PARP15: variants seen among roughly 807,000 people sequenced by gnomAD.
The protein encoded by PARP15 is protein mono-ADP-ribosyltransferase PARP15.
A neutral mutation model predicts 62.1 loss-of-function variants in PARP15; 50 were observed. The ratio of observed to expected loss-of-function variants is 0.81; its 90% CI spans 0.64 to 1.02. PARP15 has a LOEUF of 1.02. PARP15 is among the 50% of genes least tolerant of loss of function. The pLI is 0.00. For missense variants in PARP15, 820 were observed against 826.5 expected (o/e 0.99, Z 0.10); for synonymous variants, 309 against 293.1 (o/e 1.05, Z -0.55).
chr3:122,609,053 C>T (rs1935379153), intron 2 of PARP15, among the ~76,000 whole-genome samples: 1 of 152,066 alleles, frequency 6.6e-6, no homozygotes, highest in African/African-American at 2.4e-5. Flanking sequence ...TACACCCAGC[C>T]TATTTTTTTA....
chr3:122,583,044 T>C (rs556265621), intron 1 of PARP15, among the ~76,000 whole-genome samples: 1 of 152,040 alleles, frequency 6.6e-6, no homozygotes, highest in East Asian at 1.9e-4. Context: ...TCCTCTACCT[T>C]CTTGGAAGTA....
intron 8 of PARP15, 72 bp downstream of exon 8, chr3:122,621,683 C>A (rs1936359837): frequency 7.3e-7 from 1 of 1,372,538 alleles, no homozygotes; most frequent in Non-Finnish European, 9.8e-7. Flanking sequence ...CACTCTTAAG[C>A]AGATCAGTGC....
intron 10 of PARP15, among the ~76,000 whole-genome samples, chr3:122,634,306 C>T (rs562140083): frequency 2.6e-5 from 4 of 152,172 alleles, no homozygotes; most frequent in African/African-American, 9.6e-5. Flanking sequence ...TTGTCTTGCC[C>T]ACCACCCCCA....
At chr3:122,609,433 C>T (rs977658942) in intron 2 of PARP15, among the ~76,000 whole-genome samples, 1 of 152,208 alleles carries the variant, frequency 6.6e-6, no homozygotes. Flanking sequence ...AGGCTGGGCT[C>T]ATGCCAGTAA....
intron 8 of PARP15, among the ~76,000 whole-genome samples, chr3:122,622,569 C>T (rs1234871352): frequency 1.3e-5 from 2 of 152,200 alleles, no homozygotes; most frequent in Non-Finnish European, 2.9e-5. Context: ...CCAGCCGGCT[C>T]CTCATTTGTG....
intron 6 of PARP15, among the ~76,000 whole-genome samples, 192 bp downstream of exon 6, chr3:122,617,356 C>A (rs1326634530): frequency 6.6e-6 from 1 of 152,284 alleles, no homozygotes; most frequent in East Asian, 1.9e-4. Flanking sequence ...CACTTAACCT[C>A]TCTGAGTGTC....
At chr3:122,595,000 C>A in intron 1 of PARP15, 1 of 447,706 alleles carries the variant, frequency 2.2e-6, no homozygotes, top group Non-Finnish European at 3.0e-6. Flanking sequence ...ATTTCTCTTC[C>A]TTCTTGATGT....
At chr3:122,616,647 A>T (rs1935991814) in intron 5 of PARP15, among the ~76,000 whole-genome samples, 1 of 151,822 alleles carries the variant, frequency 6.6e-6, no homozygotes, top group Admixed American at 6.6e-5. Flanking sequence ...GTAATAAAAG[A>T]CCCTCCTAGC....
intron 9 of PARP15, among the ~76,000 whole-genome samples, 197 bp from the exon 10 acceptor site, chr3:122,631,889 T>G (rs1937077574): frequency 6.6e-6 from 1 of 152,244 alleles, no homozygotes; most frequent in Non-Finnish European, 1.5e-5. Flanking sequence ...GAATATATTG[T>G]GTCATATTTG....
intron 1 of PARP15, among the ~76,000 whole-genome samples, chr3:122,593,812 G>T (rs577142724): frequency 6.6e-6 from 1 of 151,726 alleles, no homozygotes; most frequent in Admixed American, 6.6e-5. Context: ...AAATTTTGTC[G>T]CTTGTTTTGA....
Position 122,610,702 on chromosome 3 carries a change from G to A in PARP15, c.515G>A (p.Trp172Ter), listed in dbSNP as rs1576515445. The A allele has an allele frequency of 6.5e-7, 1 of 1,534,628 alleles. No individual in the cohort carries two copies. Among genetic ancestry groups the A allele is most frequent in the East Asian group, 2.5e-5 (1 of 40,802 alleles). The change falls in exon 3 of 12, where the codon TGG becomes TAG. Residue 172 changes from tryptophan to a stop codon, truncating the protein, a stop_gained. Coordinates refer to ENST00000464300, the MANE Select transcript of PARP15 (RefSeq NM_001113523.3). LOFTEE classifies it high-confidence loss of function. ...GTGCTCCATGCTGTGGCTCCATACT[G>A]GAATAATGGAGCAGAGACTTCTTGG... ...KAVLHAVAPY[W>*]NNGAETSWQI... is the part of the protein sequence containing the mutation.
rs190468377 is a variant in PARP15, at chr3:122,581,949, G to A, written c.186+4096G>A. 4.7e-3 allele frequency among the ~76,000 whole-genome samples: 715 copies of A among 152,214 alleles called. 4 individuals carry two copies. Among genetic ancestry groups the A allele is most frequent in the Admixed American group, 8.1e-3 (124 of 15,290 alleles). ...GAAGTGAAAGATCACCAGCTTAGTT[G>A]TTCTTTCTTAAGATAGTTTTGGTTA... On this transcript the variant is annotated intron_variant, in intron 1 of 11. Coordinates refer to ENST00000464300, the MANE Select transcript of PARP15 (RefSeq NM_001113523.3).
In PARP15 at chr3:122,617,068, G is replaced by T. The variant is rs547734651; in HGVS notation, c.904G>T (p.Gly302Cys). The T allele has an allele frequency of 3.1e-6, 5 of 1,614,090 alleles. No homozygotes were observed. Among genetic ancestry groups the T allele is most frequent in the African/African-American group, 1.3e-5 (1 of 75,008 alleles). Residue 302 changes from glycine to cysteine, a missense_variant, in exon 6 of 12, where the codon GGT (glycine) becomes TGT (cysteine). This residue lies in a region of PARP15 where 731 missense variants were observed against 727.7 expected (regional missense o/e 1.00). Coordinates refer to ENST00000464300, the MANE Select transcript of PARP15 (RefSeq NM_001113523.3). The stretch of plus-strand genomic sequence containing the variant: ...TTTCACAGCATATGAAATGAAAATC[G>T]GTGCAATTACTTTTCAGGTTGCTAC... Reference protein sequence around the residue: ...PCFTAYEMKIGAITFQVATGD... With the variant: ...PCFTAYEMKICAITFQVATGD...
In PARP15 at chr3:122,610,497, G is replaced by T. The variant is rs369110210; in HGVS notation, c.310G>T (p.Asp104Tyr). The T allele has an allele frequency of 1.1e-5, 17 of 1,550,314 alleles. No individual in the cohort carries two copies. The African/African-American group carries it at 2.2e-4, about 20-fold the overall frequency. The change falls in exon 3 of 12, where the codon GAT (aspartate) becomes TAT (tyrosine). Residue 104 changes from aspartate (D) to tyrosine (Y), a missense_variant. Transcript: ENST00000464300. ...AACTGTTGCTATTTTCGTTAAGGCC[G>T]ATGTCATTGTCAACAGCGTTCCCAT... The part of the protein sequence containing the change: ...ISGDVLYIWA[D>Y]VIVNSVPMNL...
In PARP15 at chr3:122,632,186, C is replaced by G. The variant is rs777447872; in HGVS notation, c.1539C>G (p.Phe513Leu). The change falls in exon 10 of 12, where the codon TTC becomes TTG. Residue 513 changes from phenylalanine (F) to leucine (L), a missense_variant. Coordinates refer to ENST00000464300, the MANE Select transcript of PARP15 (RefSeq NM_001113523.3). The part of the protein sequence containing the change: ...QSEYNTIKDK[F>L]TRTCSSYAIE... ...AATATAATACCATAAAGGACAAGTTCACCCGAACTTGTTCTTCCTACGCAA... is the reference window on the plus strand; with the variant it reads ...AATATAATACCATAAAGGACAAGTTGACCCGAACTTGTTCTTCCTACGCAA... 6 of 1,613,838 alleles carry G rather than the reference C, an allele frequency of 3.7e-6. No individual in the cohort carries two copies. The South Asian group carries it at 6.6e-5, about 18-fold the overall frequency.
Position 122,621,594 on chromosome 3 carries a change from T to G in PARP15, c.1214T>G (p.Leu405Arg). ...CEQRKYTSVS[L>R]PAIGTGNAGK... The stretch of plus-strand genomic sequence containing the variant: ...CAGAGGAAGTACACATCGGTTTCCC[T>G]TCCAGCCATTGGAACAGGTTTGCAG... The change falls in exon 8 of 12, where the codon CTT (leucine) becomes CGT (arginine). Residue 405 changes from leucine (L) to arginine (R), a missense_variant. This residue lies in a region of PARP15 where 731 missense variants were observed against 727.7 expected (regional missense o/e 1.00). Coordinates refer to ENST00000464300, the MANE Select transcript of PARP15 (RefSeq NM_001113523.3). The G allele has an allele frequency of 6.3e-7, 1 of 1,595,652 alleles. No individual in the cohort carries two copies. Among genetic ancestry groups the G allele is most frequent in the Non-Finnish European group, 8.5e-7 (1 of 1,174,106 alleles).
At chr3:122,614,521 C>A (rs1405604714) in intron 4 of PARP15, among the ~76,000 whole-genome samples, 1 of 152,034 alleles carries the variant, frequency 6.6e-6, no homozygotes, top group Non-Finnish European at 1.5e-5. Context: ...CAACATTTAC[C>A]CCCAAAGGTT....
chr3:122,577,931 C>G (rs868653289), intron 1 of PARP15, 78 bp downstream of exon 1: 1 of 1,414,678 alleles, frequency 7.1e-7, no homozygotes, highest in East Asian at 2.6e-5. Context: ...GCAGCCCGAG[C>G]GGGCGCAGAG....
intron 4 of PARP15, chr3:122,615,434 A>C: frequency 7.9e-7 from 1 of 1,266,274 alleles, no homozygotes; most frequent in Non-Finnish European, 1.0e-6. Flanking sequence ...CCCTCAGCCT[A>C]TTGGATGTAG....
Sources: allele counts gnomAD v4.1 joint callset (sites outside exome capture counted in the v4.1 genomes callset), GRCh38; gene constraint gnomAD v4.1.1; regional missense constraint gnomAD v4.1.1; transcripts MANE v1.5; gene names NCBI Gene and HGNC (gene_info 2026-07-23, HGNC 2026-07-21).